ITPR2: variants seen among roughly 807,000 people sequenced by gnomAD.
ITPR2 encodes inositol 1,4,5-trisphosphate-gated calcium channel ITPR2.
A neutral mutation model predicts 317.1 loss-of-function variants in ITPR2; 207 were observed. The observed-to-expected ratio is 0.65, with a 90% CI of 0.58 to 0.73. The LOEUF (loss-of-function observed/expected upper bound fraction) is 0.73, where lower values mean the gene tolerates loss of function less well. ITPR2 is among the 30% of genes least tolerant of loss of function. ITPR2 has a pLI of 0.00. For synonymous variants in ITPR2, 1,156 were observed against 1,149.1 expected (o/e 1.01, Z -0.12); for missense variants, 2,613 against 3,284.0 (o/e 0.80, Z 4.99).
At chr12:26,465,920 G>A (rs1358978551) in intron 45 of ITPR2, among the ~76,000 whole-genome samples, 3 of 152,160 alleles carry the variant, frequency 2.0e-5, no homozygotes, top group Non-Finnish European at 4.4e-5. Flanking sequence ...AGGGATTTGG[G>A]TGTGTCTGCT....
At position 26,348,350 on chromosome 12, in the gene ITPR2, G is replaced by A. The variant is rs543793251; in HGVS notation, c.7858-8022C>T. ...GGTTATGGGGCGTGGTTATGGGGGC[G>A]TGTCTCATGTACCCCAGCACCTCTG... On this transcript the variant is annotated intron_variant, in intron 55 of 56. Transcript: ENST00000381340. Among the ~76,000 whole-genome samples the A allele has an allele frequency of 5.3e-5, 8 of 152,306 alleles. No homozygotes were observed. The South Asian group carries it at 8.3e-4, about 16-fold the overall frequency.
chr12:26,601,015 C>A (rs1052210299), intron 28 of ITPR2, among the ~76,000 whole-genome samples: 5 of 152,070 alleles, frequency 3.3e-5, no homozygotes, highest in African/African-American at 1.2e-4. Flanking sequence ...TTATTCATTG[C>A]CATTTTCCAA....
chr12:26,608,013 C>T (rs564004376), intron 26 of ITPR2, among the ~76,000 whole-genome samples: 70 of 152,140 alleles, frequency 4.6e-4, no homozygotes, highest in Non-Finnish European at 7.1e-4. Flanking sequence ...CCCGGCTACT[C>T]GGGAGGCTGA....
intron 32 of ITPR2, among the ~76,000 whole-genome samples, chr12:26,592,785 G>A (rs1311648950): frequency 2.6e-5 from 4 of 152,158 alleles, no homozygotes; most frequent in Non-Finnish European, 5.9e-5. Flanking sequence ...GGAACATCTG[G>A]ATTTGGTTTA....
Position 26,831,770 on chromosome 12 carries a change from ATTC to A in ITPR2, c.92+917_92+919del, listed in dbSNP as rs1951109432. ...TTCTACATAAAATATATAAATATATATTCTACATAAAATATATAAATATATATT... is the reference window on the plus strand; with the variant it reads ...TTCTACATAAAATATATAAATATATATACATAAAATATATAAATATATATT... On this transcript the variant is annotated intron_variant, in intron 1 of 56. Coordinates refer to ENST00000381340, the MANE Select transcript of ITPR2 (RefSeq NM_002223.4). The surrounding 1 kb of genome is among the most constrained non-coding windows in gnomAD (Gnocchi z 4.9). Among the ~76,000 whole-genome samples the A allele has an allele frequency of 2.1e-5, 2 of 96,682 alleles. No individual in the cohort carries two copies. The highest frequency in any genetic ancestry group is 5.2e-3 in the Middle Eastern group (1 of 192). 63.4% of individuals were successfully genotyped at this position (96,682 alleles called of 152,430 possible). A position where few individuals can be genotyped will look rare whatever the true frequency, so the allele number is the denominator to read the frequency against.
chr12:26,669,983 G>A (rs1947719354), intron 13 of ITPR2, among the ~76,000 whole-genome samples: 1 of 152,236 alleles, frequency 6.6e-6, no homozygotes, highest in Non-Finnish European at 1.5e-5. Context: ...CAAGGCGGCA[G>A]CGAGGCTGGG....
chr12:26,547,536 C>G (rs1402189076), intron 37 of ITPR2, among the ~76,000 whole-genome samples: 3 of 152,230 alleles, frequency 2.0e-5, no homozygotes, highest in Non-Finnish European at 1.5e-5. Context: ...TTGGATTCAG[C>G]AATCCCACTA....
chr12:26,340,390 C>A (rs1352103540), intron 55 of ITPR2, 62 bp from the exon 56 acceptor site: 1 of 1,448,238 alleles, frequency 6.9e-7, no homozygotes, highest in South Asian at 1.5e-5. Flanking sequence ...ATGTCTATAG[C>A]TGTTTATTAT....
At chr12:26,575,021 C>T (rs1044815226) in intron 34 of ITPR2, among the ~76,000 whole-genome samples, 2 of 151,300 alleles carry the variant, frequency 1.3e-5, no homozygotes, top group Non-Finnish European at 2.9e-5. Flanking sequence ...ATCACAGACA[C>T]TAAGAAAGGC....
At chr12:26,473,917 T>C (rs912286199) in intron 45 of ITPR2, among the ~76,000 whole-genome samples, 2 of 152,238 alleles carry the variant, frequency 1.3e-5, no homozygotes, top group African/African-American at 2.4e-5. Context: ...TGTCTAGCTA[T>C]AAGTCATCTG....
At position 26,391,555 on chromosome 12, in the gene ITPR2, C is replaced by CTTTTTTTTTTTTTTTTTT. The variant is rs1491173931; in HGVS notation, c.7697-3962_7697-3961insAAAAAAAAAAAAAAAAAA. On this transcript the variant is annotated intron_variant, in intron 54 of 56. Coordinates refer to ENST00000381340, the MANE Select transcript of ITPR2 (RefSeq NM_002223.4). ...AGCTTCTTCTTCTTCTTCTTCTTTT[C>CTTTTTTTTTTTTTTTTTT]CTTTTTTTTTTTTTTTTTTTTTTTT... is the stretch of plus-strand genomic sequence containing the variant. 1.5e-3 allele frequency among the ~76,000 whole-genome samples: 107 copies of CTTTTTTTTTTTTTTTTTT among 70,848 alleles called. 26 individuals carry two copies. The highest frequency in any genetic ancestry group is 1.5e-3 in the Non-Finnish European group (58 of 38,650). 46.5% of individuals were successfully genotyped at this position (70,848 alleles called of 152,430 possible).
Position 26,733,790 on chromosome 12 carries a change from C to T in ITPR2, c.164-8025G>A, listed in dbSNP as rs887049407. On this transcript the variant is annotated intron_variant, in intron 2 of 56. Coordinates refer to ENST00000381340, the MANE Select transcript of ITPR2 (RefSeq NM_002223.4). ...AAGTGAAATCTGCTACCAGAAAAAT[C>T]ATAATGTATAATTTTTCAATCATTT... Among the ~76,000 whole-genome samples, 5 of 152,208 alleles carry T rather than the reference C, an allele frequency of 3.3e-5. No individual in the cohort carries two copies. The East Asian group carries it at 9.6e-4, about 29-fold the overall frequency.
At chr12:26,452,939 T>C (rs11835333) in intron 45 of ITPR2, among the ~76,000 whole-genome samples, 1,703 of 152,248 alleles carry the variant, frequency 0.011, 27 homozygotes, top group African/African-American at 0.038. Context: ...AAAAACTACT[T>C]TAATCCCAGG....
chr12:26,659,106 T>C lies in ITPR2; in HGVS notation c.1886+7A>G. On this transcript the variant is annotated splice_region_variant and intron_variant, in intron 16 of 56. Coordinates refer to ENST00000381340, the MANE Select transcript of ITPR2 (RefSeq NM_002223.4). Reference sequence around the variant, plus strand: ...TAGAAAAGAATACCGCATGAATCATTTCAAACCTTGGCTCCCGATTTCTCC... The same window carrying C: ...TAGAAAAGAATACCGCATGAATCATCTCAAACCTTGGCTCCCGATTTCTCC... 1 of 1,608,498 alleles carries C rather than the reference T, an allele frequency of 6.2e-7. No homozygotes were observed. Among genetic ancestry groups the C allele is most frequent in the South Asian group, 1.1e-5 (1 of 90,438 alleles).
At chr12:26,415,215 A>C (rs757413039) in intron 51 of ITPR2, 88 bp downstream of exon 51, 8 of 837,572 alleles carry the variant, frequency 9.6e-6, no homozygotes, top group African/African-American at 8.6e-5. Context: ...CATTTCCTCT[A>C]TTCGTGTTTA....
intron 37 of ITPR2, among the ~76,000 whole-genome samples, chr12:26,532,299 T>C (rs1006796907): frequency 6.6e-6 from 1 of 152,216 alleles, no homozygotes. Context: ...CCAAAACAAA[T>C]AGCAAAATTG....
chr12:26,578,618 G>A (rs1248049003), intron 34 of ITPR2, 95 bp downstream of exon 34: 1 of 1,118,246 alleles, frequency 8.9e-7, no homozygotes, highest in African/African-American at 1.5e-5. Context: ...GTTTTCTTAA[G>A]TTGTAAATTG....
intron 47 of ITPR2, among the ~76,000 whole-genome samples, chr12:26,438,479 C>T (rs553623662): frequency 4.8e-4 from 73 of 152,186 alleles, no homozygotes; most frequent in African/African-American, 1.7e-3. Context: ...CATGAGATCC[C>T]TTATTTTGGA....
At chr12:26,828,300 T>C (rs1042528780) in intron 1 of ITPR2, among the ~76,000 whole-genome samples, 3 of 152,222 alleles carry the variant, frequency 2.0e-5, no homozygotes, top group Non-Finnish European at 4.4e-5. Flanking sequence ...TTTGGTTTCA[T>C]AGCCCTAAAA....
Sources: allele counts gnomAD v4.1 joint callset (sites outside exome capture counted in the v4.1 genomes callset), GRCh38; gene constraint gnomAD v4.1.1; non-coding constraint Gnocchi (gnomAD v3.1); transcripts MANE v1.5; gene names NCBI Gene and HGNC (gene_info 2026-07-23, HGNC 2026-07-21).